Variants in GLCE observed in about 807,000 individuals in gnomAD.
GLCE encodes the protein glucuronic acid epimerase, also known as D-glucuronyl C5-epimerase.
In GLCE, 19 loss-of-function variants were observed where a neutral mutation model predicts 47.9. The ratio of observed to expected loss-of-function variants is 0.40; its 90% confidence interval spans 0.28 to 0.58. The LOEUF is 0.58. GLCE is among the 20% of genes least tolerant of loss of function. The probability of loss-of-function intolerance (pLI) is 0.48; values close to 1 mark genes in which losing one functional copy is unlikely to be tolerated. For missense variants in GLCE, 556 were observed against 743.3 expected, an observed-to-expected ratio of 0.75 and a Z score of 2.93; for synonymous variants, 245 against 263.4, an observed-to-expected ratio of 0.93 and a Z score of 0.68.
At chr15:69,172,218 A>G (rs1221512701) in intron 1 of GLCE, among the ~76,000 whole-genome samples, 1 of 152,182 alleles carries the variant, frequency 6.6e-6, no homozygotes, top group Non-Finnish European at 1.5e-5. Flanking sequence ...AAAACAAGTA[A>G]AGGTTACAGA....
At chr15:69,259,979 C>T (rs11854196) in intron 3 of GLCE, among the ~76,000 whole-genome samples, 5,725 of 152,162 alleles carry the variant, frequency 0.038, 357 homozygotes, top group African/African-American at 0.13. Context: ...TCAATACATA[C>T]GTGATTCAAC....
chr15:69,161,898 G>A (rs963540574), intron 1 of GLCE, among the ~76,000 whole-genome samples: 1 of 83,246 alleles, frequency 1.2e-5, no homozygotes, highest in Admixed American at 1.5e-4. Context: ...GGAATCTGTT[G>A]AGGGTGGGGA....
intron 2 of GLCE, among the ~76,000 whole-genome samples, chr15:69,232,864 C>T (rs1051022103): frequency 1.3e-5 from 2 of 152,124 alleles, no homozygotes; most frequent in African/African-American, 4.8e-5. Context: ...ACCTGTAAGA[C>T]ATTTATCCTT....
rs57564961 is a variant in GLCE at position 69,225,594 on chromosome 15, A to C, written c.-14+15188A>C. 5.9e-3 allele frequency among the ~76,000 whole-genome samples: 902 copies of C among 152,330 alleles called. 17 individuals carry two copies. Among genetic ancestry groups the C allele is most frequent in the African/African-American group, 0.021 (867 of 41,574 alleles). On this transcript the variant is annotated intron_variant, in intron 2 of 4. Transcript: ENST00000261858. The stretch of plus-strand genomic sequence containing the variant: ...TGAAACTTGAGTAGACATTAGACTG[A>C]AAGTATGCACAACTTCCTGTAAATT...
At position 69,268,900 on chromosome 15, in the gene GLCE, C is replaced by A. The variant is rs2053124643; in HGVS notation, c.1510C>A (p.Pro504Thr). 6.2e-7 allele frequency: 1 copy of A among 1,613,842 alleles called. No homozygotes were observed. The highest frequency in any genetic ancestry group is 8.5e-7 in the Non-Finnish European group (1 of 1,179,718). Residue 504 changes from proline (P) to threonine (T), a missense_variant, in exon 5 of 5, where the codon CCT becomes ACT. Pro to Thr is a conservative substitution (Grantham distance 38). Transcript: ENST00000261858. ...CTGGTATGAAGAATATCCAACCACA[C>A]CTAGCTCTTTTGTTTTAAATGGCTT... ...HDWYEEYPTT[P>T]SSFVLNGFMY...
At chr15:69,235,801 G>A (rs903979117) in intron 2 of GLCE, among the ~76,000 whole-genome samples, 4 of 152,136 alleles carry the variant, frequency 2.6e-5, no homozygotes, top group African/African-American at 7.2e-5. Flanking sequence ...CTAAGGTATA[G>A]TTTACATAAA....
chr15:69,237,827 C>A (rs950774819), intron 2 of GLCE, among the ~76,000 whole-genome samples: 6 of 152,140 alleles, frequency 3.9e-5, no homozygotes, highest in Non-Finnish European at 8.8e-5. Context: ...TTGAACCATG[C>A]AGAGTAAACA....
chr15:69,202,652 C>T lies in GLCE; in HGVS notation c.-104-7664C>T, dbSNP rs80101479. ...TTCAGTAATGGTGGATTGGAGTAAGCATAGGTATATGAGATTTATAGTCTA... is the reference window on the plus strand; with the variant it reads ...TTCAGTAATGGTGGATTGGAGTAAGTATAGGTATATGAGATTTATAGTCTA... On this transcript the variant is annotated intron_variant, in intron 1 of 4. Coordinates refer to ENST00000261858, the MANE Select transcript of GLCE (RefSeq NM_015554.3). 1.1e-3 allele frequency among the ~76,000 whole-genome samples: 173 copies of T among 152,122 alleles called. 1 individual carries two copies. In the East Asian group the frequency reaches 0.032, roughly 28 times the overall value.
At chr15:69,222,530 T>C (rs2052391922) in intron 2 of GLCE, among the ~76,000 whole-genome samples, 1 of 152,156 alleles carries the variant, frequency 6.6e-6, no homozygotes, top group African/African-American at 2.4e-5. Context: ...AGCCACCCCT[T>C]CCTAAGGAGC....
At chr15:69,223,507 T>C (rs2052405037) in intron 2 of GLCE, among the ~76,000 whole-genome samples, 2 of 152,172 alleles carry the variant, frequency 1.3e-5, no homozygotes, top group African/African-American at 4.8e-5. Flanking sequence ...AGATCCTCAC[T>C]TTGTCTTTGG....
At chr15:69,170,676 G>A (rs2051575939) in intron 1 of GLCE, among the ~76,000 whole-genome samples, 1 of 152,172 alleles carries the variant, frequency 6.6e-6, no homozygotes, top group Non-Finnish European at 1.5e-5. Context: ...GTACCATTTT[G>A]TGTATTAAAA....
intron 2 of GLCE, among the ~76,000 whole-genome samples, chr15:69,230,015 G>A (rs2052500277): frequency 6.6e-6 from 1 of 152,002 alleles, no homozygotes; most frequent in African/African-American, 2.4e-5. Flanking sequence ...GTTGAGACTA[G>A]CCTGGCCAAC....
At chr15:69,268,040 A>G (rs1003031749) in intron 4 of GLCE, among the ~76,000 whole-genome samples, 180 bp from the exon 5 acceptor site, 2 of 152,160 alleles carry the variant, frequency 1.3e-5, no homozygotes, top group Admixed American at 6.6e-5. Context: ...GAACTCACCA[A>G]TTCTGTCATT....
At chr15:69,217,394 A>G (rs554434845) in intron 2 of GLCE, among the ~76,000 whole-genome samples, 3 of 151,046 alleles carry the variant, frequency 2.0e-5, no homozygotes, top group Non-Finnish European at 4.4e-5. Context: ...AAAAATTACT[A>G]TATATACATA....
At chr15:69,234,290 T>A (rs904315452) in intron 2 of GLCE, among the ~76,000 whole-genome samples, 9 of 152,228 alleles carry the variant, frequency 5.9e-5, no homozygotes, top group South Asian at 4.2e-4. Context: ...GAAGATTATT[T>A]TTTTTTAATT....
chr15:69,172,809 A>G (rs1370967398), intron 1 of GLCE, among the ~76,000 whole-genome samples: 2 of 152,270 alleles, frequency 1.3e-5, no homozygotes, highest in Admixed American at 1.3e-4. Context: ...ATGCTGGTAT[A>G]TATACAGAAT....
At chr15:69,241,384 C>G (rs2052669415) in intron 2 of GLCE, among the ~76,000 whole-genome samples, 1 of 152,166 alleles carries the variant, frequency 6.6e-6, no homozygotes, top group Non-Finnish European at 1.5e-5. Context: ...CATACTGTAG[C>G]TGAGAGATTC....
At chr15:69,211,063 A>G (rs912832152) in intron 2 of GLCE, among the ~76,000 whole-genome samples, 2 of 152,122 alleles carry the variant, frequency 1.3e-5, no homozygotes, top group African/African-American at 2.4e-5. Flanking sequence ...AGATTTAAAT[A>G]TGCATATAAG....
chr15:69,193,171 G>A (rs2051939046), intron 1 of GLCE, among the ~76,000 whole-genome samples: 1 of 151,800 alleles, frequency 6.6e-6, no homozygotes, highest in Non-Finnish European at 1.5e-5. Context: ...TTCTTATGAG[G>A]TTACCTTTCC....
Sources: gnomAD v4.1 joint callset for allele counts (sites outside exome capture counted in the v4.1 genomes callset) on GRCh38, gnomAD v4.1.1 for gene constraint, MANE v1.5 for transcripts, NCBI Gene and HGNC (gene_info 2026-07-23, HGNC 2026-07-21) for gene names.